Variants in CSMD1 observed in about 807,000 individuals in gnomAD.
CSMD1 encodes CUB and Sushi multiple domains 1, also known as CUB and sushi domain-containing protein 1.
In CSMD1, 213 loss-of-function variants were observed where a neutral mutation model predicts 417.5. That is an observed-to-expected ratio of 0.51 (90% CI 0.46 to 0.57). The LOEUF (loss-of-function observed/expected upper bound fraction) is 0.57, where lower values mean the gene tolerates loss of function less well. Ranked by LOEUF, CSMD1 falls within the 20% of genes least tolerant of loss-of-function variation. CSMD1 has a pLI of 0.00. For synonymous variants in CSMD1, 2,862 were observed against 1,736.8 expected, an observed-to-expected ratio of 1.65 and a Z score of -16.11; for missense variants, 6,923 against 4,529.7, an observed-to-expected ratio of 1.53 and a Z score of -15.17.
chr8:3,953,861 G>A (rs142519299), intron 5 of CSMD1, among the ~76,000 whole-genome samples: 1 of 152,292 alleles, frequency 6.6e-6, no homozygotes, highest in East Asian at 1.9e-4. Context: ...GTTCTGGGTG[G>A]TCTCCTGTGT....
intron 5 of CSMD1, among the ~76,000 whole-genome samples, chr8:3,943,933 A>G (rs11136682): frequency 6.6e-6 from 1 of 151,898 alleles, no homozygotes; most frequent in Non-Finnish European, 1.5e-5. Context: ...AGAAAACACA[A>G]TGGTGGAATG....
At chr8:4,219,249 A>C (rs1800874128) in intron 3 of CSMD1, among the ~76,000 whole-genome samples, 1 of 152,194 alleles carries the variant, frequency 6.6e-6, no homozygotes, top group African/African-American at 2.4e-5. Flanking sequence ...TGCTAAATAT[A>C]GTTACCACTT....
chr8:3,874,577 G>C (rs1483252868), intron 5 of CSMD1, among the ~76,000 whole-genome samples: 1 of 152,136 alleles, frequency 6.6e-6, no homozygotes, highest in Non-Finnish European at 1.5e-5. Flanking sequence ...CTCTGTGATG[G>C]AGATCTTCTT....
intron 1 of CSMD1, among the ~76,000 whole-genome samples, chr8:4,768,377 T>C (rs909905394): frequency 6.6e-6 from 1 of 152,174 alleles, no homozygotes; most frequent in African/African-American, 2.4e-5. Context: ...CTTCCTGTTC[T>C]TTCCATTCAG....
chr8:4,023,776 TTTTTTTTTGTG>T (rs1383266093), intron 4 of CSMD1, among the ~76,000 whole-genome samples: 2 of 118,240 alleles, frequency 1.7e-5, no homozygotes, highest in African/African-American at 5.9e-5. Context: ...TTTTTTTTTT[TTTTTTTTTGTG>T]TGTGTATTTT....
rs538648337 is a variant in CSMD1 at position 4,376,125 on chromosome 8, G to A, written c.415+43828C>T. Among the ~76,000 whole-genome samples, 5 of 152,260 alleles carry A rather than the reference G, an allele frequency of 3.3e-5. No individual in the cohort carries two copies. The East Asian group carries it at 5.8e-4, about 18-fold the overall frequency. On this transcript the variant is annotated intron_variant, in intron 3 of 69. Transcript: ENST00000635120. ...TAGGACTCAGCTTATCAAAAGATAT[G>A]GAAATGCACTGCAAACTTTATGCTC...
chr8:3,845,556 G>C (rs1456971375), intron 5 of CSMD1, among the ~76,000 whole-genome samples: 5 of 152,166 alleles, frequency 3.3e-5, no homozygotes, highest in Non-Finnish European at 7.3e-5. Context: ...CTGGGTGTCA[G>C]TGAACGAGTG....
chr8:3,685,644 A>G (rs1799908492), intron 7 of CSMD1, among the ~76,000 whole-genome samples: 1 of 152,190 alleles, frequency 6.6e-6, no homozygotes, highest in Non-Finnish European at 1.5e-5. Context: ...GACTGTTTTT[A>G]GAGGCCTGGG....
At chr8:4,846,495 A>G (rs1801154006) in intron 1 of CSMD1, among the ~76,000 whole-genome samples, 1 of 152,186 alleles carries the variant, frequency 6.6e-6, no homozygotes, top group South Asian at 2.1e-4. Flanking sequence ...CAGCCTCCTG[A>G]CAGCAACTCC....
chr8:3,773,282 T>A lies in CSMD1; in HGVS notation c.819-19240A>T, dbSNP rs192554868. ...CTCCATGCATAATTTGGGGATATAA[T>A]AGGTTTGGGGAGAGCTGGTAGGATG... On this transcript the variant is annotated intron_variant, in intron 5 of 69. Transcript: ENST00000635120. Among the ~76,000 whole-genome samples, 706 of 152,238 alleles carry A rather than the reference T, an allele frequency of 4.6e-3. 4 individuals carry two copies. The highest frequency in any genetic ancestry group is 5.9e-3 in the Non-Finnish European group (401 of 68,008).
rs751865263 is a variant in CSMD1, at chr8:3,399,512, G to C, written c.2284C>G (p.Leu762Val). 1.0e-5 allele frequency: 16 copies of C among 1,599,328 alleles called. No individual in the cohort carries two copies. In the South Asian group the frequency reaches 1.6e-4, roughly 16 times the overall value. ...PRCEAPCGGH[L>V]TASSGVILPP... ...AAAATGACTCCGCTGGACGCTGTCAGATGTCCACCACATGGAGCTAAAACA... is the reference window on the plus strand; with the variant it reads ...AAAATGACTCCGCTGGACGCTGTCACATGTCCACCACATGGAGCTAAAACA... Residue 762 changes from leucine to valine, a missense_variant, in exon 16 of 70, where the codon CTG (leucine) becomes GTG (valine). By Grantham distance (32) the Leu-to-Val change is conservative. Coordinates refer to ENST00000635120, the MANE Select transcript of CSMD1 (RefSeq NM_033225.6).
rs373190032 is a variant in CSMD1 at position 3,371,758 on chromosome 8, A to C, written c.2783-2388T>G. Among the ~76,000 whole-genome samples, 54 of 152,350 alleles carry C rather than the reference A, an allele frequency of 3.5e-4. No individual in the cohort carries two copies. The East Asian group carries it at 9.5e-3, about 27-fold the overall frequency. On this transcript the variant is annotated intron_variant, in intron 18 of 69. Transcript: ENST00000635120. Reference sequence around the variant, plus strand: ...CCTTTAATACGTAAACCTCATGGGAAGCATGATATAAAAATCGGCAAAAGA... The same window carrying C: ...CCTTTAATACGTAAACCTCATGGGACGCATGATATAAAAATCGGCAAAAGA...
chr8:3,215,076 G>T (rs1209526123), intron 29 of CSMD1, among the ~76,000 whole-genome samples: 1 of 152,094 alleles, frequency 6.6e-6, no homozygotes, highest in Non-Finnish European at 1.5e-5. Flanking sequence ...TCTAACTTTT[G>T]TACATCAAAC....
intron 3 of CSMD1, among the ~76,000 whole-genome samples, chr8:4,374,889 A>T (rs76462157): frequency 6.9e-6 from 1 of 144,128 alleles, no homozygotes; most frequent in South Asian, 2.2e-4. Flanking sequence ...GAAGCTGAAG[A>T]AGAGCCAATG....
chr8:4,813,277 A>G (rs1799010738), intron 1 of CSMD1, among the ~76,000 whole-genome samples: 1 of 152,180 alleles, frequency 6.6e-6, no homozygotes, highest in Non-Finnish European at 1.5e-5. Context: ...TCTTTCTGTT[A>G]AAAAATAAAC....
chr8:4,696,235 T>G (rs928019916), intron 1 of CSMD1, among the ~76,000 whole-genome samples: 3 of 152,214 alleles, frequency 2.0e-5, no homozygotes, highest in Non-Finnish European at 4.4e-5. Flanking sequence ...ATGACAGATA[T>G]GATAGATACA....
intron 1 of CSMD1, among the ~76,000 whole-genome samples, chr8:4,886,348 G>A (rs1001484228): frequency 1.3e-5 from 2 of 151,684 alleles, no homozygotes; most frequent in Admixed American, 1.3e-4. Flanking sequence ...TTTATTTTAT[G>A]TATATTATAA....
intron 2 of CSMD1, among the ~76,000 whole-genome samples, chr8:4,429,635 T>C (rs984418302): frequency 6.6e-6 from 1 of 152,078 alleles, no homozygotes; most frequent in African/African-American, 2.4e-5. Context: ...GAGAAACGAA[T>C]GCACAGAGGA....
At chr8:4,692,591 C>T (rs1004356038) in intron 1 of CSMD1, among the ~76,000 whole-genome samples, 1 of 152,124 alleles carries the variant, frequency 6.6e-6, no homozygotes, top group Non-Finnish European at 1.5e-5. Context: ...GAGAGCGTTT[C>T]CAAGGATTCT....
Sources: allele counts gnomAD v4.1 joint callset (sites outside exome capture counted in the v4.1 genomes callset), GRCh38; gene constraint gnomAD v4.1.1; transcripts MANE v1.5; gene names NCBI Gene and HGNC (gene_info 2026-07-23, HGNC 2026-07-21).